MCF2L: variants seen among roughly 807,000 people sequenced by gnomAD.
The protein encoded by MCF2L is MCF.2 cell line derived transforming sequence like, also known as guanine nucleotide exchange factor DBS.
A neutral mutation model predicts 153.4 loss-of-function variants in MCF2L; 97 were observed. The observed-to-expected ratio is 0.63, with a 90% CI of 0.54 to 0.75. The LOEUF is 0.75. Among genes scored for constraint, MCF2L ranks in the 30% least tolerant of loss-of-function variants. MCF2L has a pLI of 0.00. For missense variants in MCF2L, 1,347 were observed against 1,495.2 expected, an observed-to-expected ratio of 0.90 and a Z score of 1.64; for synonymous variants, 659 against 632.2, an observed-to-expected ratio of 1.04 and a Z score of -0.64.
intron 2 of MCF2L, among the ~76,000 whole-genome samples, chr13:112,903,407 A>G (rs1890203): frequency 0.78 from 118,499 of 152,182 alleles, 46,371 homozygotes; most frequent in East Asian, 0.91. Context: ...GCTGGTGCCC[A>G]GGAATTCCCT....
At chr13:112,958,792 C>T (rs1162046960) in intron 2 of MCF2L, among the ~76,000 whole-genome samples, 1 of 152,344 alleles carries the variant, frequency 6.6e-6, no homozygotes, top group East Asian at 1.9e-4. Context: ...CCAGGCACCT[C>T]CTGGTGGGAT....
At chr13:112,944,930 G>A (rs1166650005) in intron 2 of MCF2L, among the ~76,000 whole-genome samples, 1 of 152,070 alleles carries the variant, frequency 6.6e-6, no homozygotes, top group Non-Finnish European at 1.5e-5. Context: ...TGTCCTAATG[G>A]AAGCTTTGAA....
chr13:112,930,593 T>A (rs955495258), intron 2 of MCF2L, among the ~76,000 whole-genome samples: 9 of 152,178 alleles, frequency 5.9e-5, no homozygotes, highest in African/African-American at 1.9e-4. Context: ...GTATATGATA[T>A]CATGTATTTG....
At chr13:113,020,913 T>C (rs995611138) in intron 2 of MCF2L, among the ~76,000 whole-genome samples, 85 of 148,446 alleles carry the variant, frequency 5.7e-4, no homozygotes, top group African/African-American at 2.0e-3. Context: ...TGTGTATGTG[T>C]GTGTATGTGT....
intron 2 of MCF2L, among the ~76,000 whole-genome samples, chr13:112,961,044 C>T (rs953182385): frequency 1.3e-5 from 2 of 150,592 alleles, no homozygotes; most frequent in African/African-American, 4.9e-5. Context: ...GGGGTCCTCC[C>T]TGACCCTGCT....
chr13:113,066,125 C>T lies in MCF2L; in HGVS notation c.836C>T (p.Pro279Leu), dbSNP rs1594909724. 5 of 1,613,146 alleles carry T rather than the reference C, an allele frequency of 3.1e-6. No individual in the cohort carries two copies. In the East Asian group the frequency reaches 6.7e-5, roughly 22 times the overall value. ...LRELQAEGSE[P>L]SVNQDQLDNQ... Reference sequence around the variant, plus strand: ...GAGCTGCAGGCTGAGGGCTCAGAGCCCAGTGTGAACCAGGACCAGCTTGAC... The same window carrying T: ...GAGCTGCAGGCTGAGGGCTCAGAGCTCAGTGTGAACCAGGACCAGCTTGAC... The change falls in exon 8 of 30, where the codon CCC becomes CTC. Residue 279 changes from proline (P) to leucine (L), a missense_variant. Pro to Leu is a moderately conservative substitution (Grantham distance 98). This residue lies in a region of MCF2L where 820 missense variants were observed against 921.2 expected (regional missense o/e 0.89). Coordinates refer to ENST00000535094, the MANE Select transcript of MCF2L (RefSeq NM_001112732.3).
intron 2 of MCF2L, among the ~76,000 whole-genome samples, chr13:113,020,011 C>T (rs112495612): frequency 3.3e-5 from 5 of 152,154 alleles, no homozygotes; most frequent in East Asian, 3.9e-4. Flanking sequence ...TGTGAAAATG[C>T]GAGCCATAAA....
chr13:113,022,115 C>T (rs2084920423), intron 2 of MCF2L, among the ~76,000 whole-genome samples: 1 of 152,176 alleles, frequency 6.6e-6, no homozygotes, highest in African/African-American at 2.4e-5. Flanking sequence ...GGTCCCCGGT[C>T]TCTGTGGTTC....
chr13:113,071,387 C>T (rs907521158), intron 9 of MCF2L, among the ~76,000 whole-genome samples: 5 of 152,166 alleles, frequency 3.3e-5, no homozygotes, highest in African/African-American at 9.7e-5. Context: ...GGGTTTTTCA[C>T]GTAGCCAAAG....
At chr13:112,967,723 C>T (rs1229164309), upstream of MCF2L, 1 of 152,960 alleles carries the variant, frequency 6.5e-6, no homozygotes, top group Non-Finnish European at 1.5e-5. Flanking sequence ...CGGGATGTTG[C>T]CGGATGCTCT....
chr13:112,913,531 C>T (rs565334461), intron 2 of MCF2L, among the ~76,000 whole-genome samples: 1 of 152,302 alleles, frequency 6.6e-6, no homozygotes, highest in South Asian at 2.1e-4. Context: ...TGAGTTTACT[C>T]AATAATTTTA....
rs1438442451 is a variant in MCF2L at position 113,095,082 on chromosome 13, T to C, written c.3075+447T>C. ...AATGCTGTCACTGAGCCTTCCTAAC[T>C]ATACATACAATTCTCATTTTGTAAG... is the stretch of plus-strand genomic sequence containing the variant. On this transcript the variant is annotated intron_variant, in intron 27 of 29. Transcript: ENST00000535094. 1.1e-5 allele frequency: 15 copies of C among 1,364,478 alleles called. No individual in the cohort carries two copies. The Admixed American group carries it at 2.9e-4, about 26-fold the overall frequency. The allele number at this position is 1,364,478 out of a possible 1,614,324, so 84.5% of individuals were successfully genotyped here.
At chr13:113,022,763 AGCCCCCAC>A (rs2084971158) in intron 2 of MCF2L, among the ~76,000 whole-genome samples, 1 of 152,180 alleles carries the variant, frequency 6.6e-6, no homozygotes, top group African/African-American at 2.4e-5. Context: ...GGGGGCTTTG[AGCCCCCAC>A]CGCGGCGGCG....
chr13:113,026,995 CCAGA>C, intron 3 of MCF2L: 1 of 779,038 alleles, frequency 1.3e-6, no homozygotes, highest in Non-Finnish European at 2.4e-6. Flanking sequence ...CAGCCTCACA[CCAGA>C]CAGTGTAGTT....
chr13:112,912,979 GTGTC>G (rs1414431099), intron 2 of MCF2L, among the ~76,000 whole-genome samples: 4 of 150,096 alleles, frequency 2.7e-5, no homozygotes, highest in Non-Finnish European at 4.4e-5. Flanking sequence ...TGTATGGGGT[GTGTC>G]TGTGTGATTG....
rs189450596 is a variant in MCF2L at position 113,007,405 on chromosome 13, C to T, written c.80-7358C>T. Among the ~76,000 whole-genome samples, 647 of 152,332 alleles carry T rather than the reference C, an allele frequency of 4.2e-3. 3 individuals are homozygous for T. Among genetic ancestry groups the T allele is most frequent in the Non-Finnish European group, 4.7e-3 (321 of 68,030 alleles). On this transcript the variant is annotated intron_variant, in intron 1 of 29. Transcript: ENST00000535094. ...ACCCCTGACCCCAGCGTCCGTGTCA[C>T]CTGGGAGCCTCACCTTGAGACCCCT... is the stretch of plus-strand genomic sequence containing the variant.
At chr13:113,051,537 C>G (rs1470220192) in intron 4 of MCF2L, among the ~76,000 whole-genome samples, 1 of 152,210 alleles carries the variant, frequency 6.6e-6, no homozygotes, top group Admixed American at 6.5e-5. Context: ...AGGCCCCAAG[C>G]CCTTCTTCAC....
rs1240474427 is a variant in MCF2L, at chr13:112,983,718, C to T, written c.79+14260C>T. Among the ~76,000 whole-genome samples, 2 of 152,312 alleles carry T rather than the reference C, an allele frequency of 1.3e-5. No homozygotes were observed. Among genetic ancestry groups the T allele is most frequent in the African/African-American group, 2.4e-5 (1 of 41,578 alleles). On this transcript the variant is annotated intron_variant, in intron 1 of 29. Transcript: ENST00000535094. The surrounding 1 kb of genome is among the most constrained non-coding windows in gnomAD (Gnocchi z 4.0). ...TCAGTGCTCTGACGCACTGTGGCCC[C>T]GGGGAAGCGTGGTGTCTGCAGCCTC...
At chr13:112,913,620 A>C (rs958369883) in intron 2 of MCF2L, among the ~76,000 whole-genome samples, 5 of 152,118 alleles carry the variant, frequency 3.3e-5, no homozygotes, top group Non-Finnish European at 5.9e-5. Context: ...CTTCAAGTGC[A>C]TGGGGCAGGC....
Sources: gnomAD v4.1 joint callset for allele counts (sites outside exome capture counted in the v4.1 genomes callset) on GRCh38, gnomAD v4.1.1 for gene constraint, gnomAD v4.1.1 regional missense constraint, Gnocchi (gnomAD v3.1) non-coding constraint, MANE v1.5 for transcripts, NCBI Gene and HGNC (gene_info 2026-07-23, HGNC 2026-07-21) for gene names.